MCU: variants seen among roughly 807,000 people sequenced by gnomAD.
MCU encodes mitochondrial calcium uniporter, also known as calcium uniporter protein, mitochondrial.
Under a neutral mutation model 45.2 loss-of-function variants are expected in MCU, and 12 were observed. The observed-to-expected ratio is 0.27, with a 90% CI of 0.17 to 0.43. The LOEUF (loss-of-function observed/expected upper bound fraction) is 0.43, where lower values mean the gene tolerates loss of function less well. Among genes scored for constraint, MCU ranks in the 20% least tolerant of loss-of-function variants. The pLI is 1.00. For synonymous variants in MCU, 160 were observed against 165.1 expected, an observed-to-expected ratio of 0.97 and a Z score of 0.24; for missense variants, 324 against 436.7, an observed-to-expected ratio of 0.74 and a Z score of 2.30.
intron 1 of MCU, among the ~76,000 whole-genome samples, chr10:72,811,131 C>A (rs916555298): frequency 6.6e-6 from 1 of 152,144 alleles, no homozygotes; most frequent in African/African-American, 2.4e-5. Context: ...AAACATGAAT[C>A]TTTTACTGCC....
chr10:72,778,918 A>C (rs1179876130), intron 1 of MCU, among the ~76,000 whole-genome samples: 1 of 152,176 alleles, frequency 6.6e-6, no homozygotes, highest in Non-Finnish European at 1.5e-5. Context: ...AACAGTGTGG[A>C]GCCTGCATAA....
In MCU at chr10:72,779,359, G is replaced by A. The variant is rs1383272749; in HGVS notation, c.151-55000G>A. On this transcript the variant is annotated intron_variant, in intron 1 of 7. Coordinates refer to ENST00000373053, the MANE Select transcript of MCU (RefSeq NM_138357.3). ...GAAGACAACAGGTGTAAACCTTCAT[G>A]GTCTTGGTCTTGGACTAGTCAAATG... Among the ~76,000 whole-genome samples the A allele has an allele frequency of 3.9e-5, 6 of 152,154 alleles. No individual in the cohort carries two copies. In the East Asian group the frequency reaches 9.6e-4, roughly 24 times the overall value.
At chr10:72,716,560 TA>T (rs1842957055) in intron 1 of MCU, among the ~76,000 whole-genome samples, 1 of 152,008 alleles carries the variant, frequency 6.6e-6, no homozygotes, top group African/African-American at 2.4e-5. Context: ...CATTCAGTGG[TA>T]GGATGTTATT....
intron 1 of MCU, among the ~76,000 whole-genome samples, chr10:72,816,049 G>A (rs1844620685): frequency 6.6e-6 from 1 of 152,242 alleles, no homozygotes; most frequent in Admixed American, 6.5e-5. Context: ...GCGGGTGCCT[G>A]TAATCCCAGC....
intron 6 of MCU, among the ~76,000 whole-genome samples, chr10:72,883,461 A>G (rs1453619549): frequency 6.6e-6 from 1 of 152,200 alleles, no homozygotes; most frequent in African/African-American, 2.4e-5. Flanking sequence ...GGCAATATCA[A>G]GTATTGGCAA....
chr10:72,851,792 G>C (rs1845211030), intron 2 of MCU, among the ~76,000 whole-genome samples: 1 of 152,116 alleles, frequency 6.6e-6, no homozygotes, highest in East Asian at 1.9e-4. Context: ...CTAACCTGTT[G>C]CTCTTTCGTT....
intron 1 of MCU, among the ~76,000 whole-genome samples, chr10:72,785,232 C>G (rs1844055300): frequency 2.0e-5 from 3 of 152,178 alleles, no homozygotes; most frequent in African/African-American, 7.2e-5. Context: ...ACCTTGGTGT[C>G]TCTGCAACAA....
intron 2 of MCU, among the ~76,000 whole-genome samples, chr10:72,855,142 G>T (rs896966518): frequency 2.0e-5 from 3 of 152,114 alleles, no homozygotes; most frequent in African/African-American, 7.2e-5. Flanking sequence ...AGGAGGTAGA[G>T]GCAGGAGAAT....
At chr10:72,784,821 C>T (rs1302432190) in intron 1 of MCU, among the ~76,000 whole-genome samples, 1 of 152,122 alleles carries the variant, frequency 6.6e-6, no homozygotes, top group Non-Finnish European at 1.5e-5. Flanking sequence ...TGGGGAATCC[C>T]TCCTACCAAG....
At chr10:72,716,764 C>T (rs577483466) in intron 1 of MCU, among the ~76,000 whole-genome samples, 12 of 151,068 alleles carry the variant, frequency 7.9e-5, no homozygotes, top group Non-Finnish European at 1.6e-4. Flanking sequence ...TATGGCTACT[C>T]GGGAGGCTGA....
chr10:72,749,242 G>A (rs1184350702), intron 1 of MCU, among the ~76,000 whole-genome samples: 1 of 152,100 alleles, frequency 6.6e-6, no homozygotes, highest in Non-Finnish European at 1.5e-5. Context: ...CCGTAATCAT[G>A]CCACGGCACT....
chr10:72,714,353 T>TA (rs1288925704), intron 1 of MCU, among the ~76,000 whole-genome samples: 2 of 127,138 alleles, frequency 1.6e-5, no homozygotes, highest in Non-Finnish European at 3.4e-5. Flanking sequence ...GTCTTTTTTT[T>TA]TTTTTTTTTT....
chr10:72,857,631 C>G (rs1421063621), intron 2 of MCU, among the ~76,000 whole-genome samples: 3 of 152,116 alleles, frequency 2.0e-5, no homozygotes, highest in African/African-American at 7.2e-5. Flanking sequence ...ATATTTGACT[C>G]CAAAGCCTGT....
At chr10:72,788,627 A>G (rs927069792) in intron 1 of MCU, among the ~76,000 whole-genome samples, 3 of 152,182 alleles carry the variant, frequency 2.0e-5, no homozygotes, top group Admixed American at 6.5e-5. Context: ...ACCCTGTCTC[A>G]TGAGACCCTG....
Position 72,879,546 on chromosome 10 carries a change from A to G in MCU, c.862-4720A>G, listed in dbSNP as rs554478955. Among the ~76,000 whole-genome samples the G allele has an allele frequency of 5.9e-5, 9 of 152,346 alleles. No homozygotes were observed. The East Asian group carries it at 1.5e-3, about 26-fold the overall frequency. On this transcript the variant is annotated intron_variant, in intron 6 of 7. Coordinates refer to ENST00000373053, the MANE Select transcript of MCU (RefSeq NM_138357.3). ...AAATAAAGACATTTTCAGACAGAGA[A>G]TTTGTCACCATCAGATCTGCACTAA...
intron 2 of MCU, among the ~76,000 whole-genome samples, chr10:72,847,913 G>A (rs865822715): frequency 6.6e-6 from 1 of 152,156 alleles, no homozygotes; most frequent in South Asian, 2.1e-4. Context: ...TTCTCCATAG[G>A]GCTGCAGGAT....
intron 1 of MCU, among the ~76,000 whole-genome samples, chr10:72,785,018 G>T (rs572133567): frequency 6.6e-6 from 1 of 152,230 alleles, no homozygotes; most frequent in South Asian, 2.1e-4. Flanking sequence ...AGGATTTTAG[G>T]CTTCTACATA....
chr10:72,869,112 C>T (rs1845501544), intron 5 of MCU, among the ~76,000 whole-genome samples: 1 of 152,126 alleles, frequency 6.6e-6, no homozygotes, highest in Non-Finnish European at 1.5e-5. Flanking sequence ...CCAGATTTAC[C>T]ACCTTTAAAA....
intron 1 of MCU, 139 bp downstream of exon 1, chr10:72,692,440 C>T: frequency 1.1e-6 from 1 of 874,414 alleles, no homozygotes; most frequent in African/African-American, 1.8e-5. Context: ...CACCGAGGAG[C>T]CGCCGTGCCC....
Sources: allele counts gnomAD v4.1 joint callset (sites outside exome capture counted in the v4.1 genomes callset), GRCh38; gene constraint gnomAD v4.1.1; transcripts MANE v1.5; gene names NCBI Gene and HGNC (gene_info 2026-07-23, HGNC 2026-07-21).